Variants in SEC24A observed in about 807,000 individuals in gnomAD.
SEC24A encodes SEC24 homolog A, COPII component.
SEC24A carries 93 observed loss-of-function variants against 129.4 expected under a neutral mutation model. The ratio of observed to expected loss-of-function variants is 0.72; its 90% CI spans 0.61 to 0.85. SEC24A has a LOEUF of 0.85. Ranked by LOEUF, SEC24A falls within the 40% of genes least tolerant of loss-of-function variation. The probability of loss-of-function intolerance (pLI) is 0.00; values close to 1 mark genes in which losing one functional copy is unlikely to be tolerated. For synonymous variants in SEC24A, 460 were observed against 467.3 expected, an observed-to-expected ratio of 0.98 and a Z score of 0.20; for missense variants, 1,264 against 1,307.4, an observed-to-expected ratio of 0.97 and a Z score of 0.51.
At chr5:134,692,878 A>C in intron 12 of SEC24A, 1 of 729,662 alleles carries the variant, frequency 1.4e-6, no homozygotes, top group Non-Finnish European at 2.4e-6. Flanking sequence ...GGTAGAAAAT[A>C]AGCATATTCC....
At position 134,697,957 on chromosome 5, in the gene SEC24A, G is replaced by A; in HGVS notation, c.2166G>A (p.Gln722=). Residue 722 remains glutamine (Q), a synonymous_variant, in exon 15 of 23, where the codon CAG becomes CAA. Transcript: ENST00000398844. ...ATTACTATCCCTCTTACCATCATCA[G>A]CACAACCCAGTCCAAGTACAGAAAT... ...SVYYYPSYHH[Q]HNPVQVQKLQ... The A allele has an allele frequency of 6.2e-7, 1 of 1,613,832 alleles. No homozygotes were observed. The highest frequency in any genetic ancestry group is 8.5e-7 in the Non-Finnish European group (1 of 1,179,866).
At chr5:134,656,704 T>A (rs1411779858) in intron 1 of SEC24A, among the ~76,000 whole-genome samples, 1 of 151,854 alleles carries the variant, frequency 6.6e-6, no homozygotes, top group Non-Finnish European at 1.5e-5. Context: ...GGTCTCGAAC[T>A]TCTGACTTCA....
upstream of SEC24A, chr5:134,648,700 G>C: frequency 6.2e-6 from 1 of 160,746 alleles, no homozygotes; most frequent in East Asian, 1.7e-4. Flanking sequence ...AGAAGAGTTC[G>C]CCGGCGCGGC....
intron 10 of SEC24A, 44 bp from the exon 11 acceptor site, chr5:134,688,137 T>C (rs1163545372): frequency 9.6e-7 from 1 of 1,039,502 alleles, no homozygotes; most frequent in Non-Finnish European, 1.5e-6. Context: ...TGTATTTGTA[T>C]GTGGTTAAAA....
At chr5:134,679,542 T>G (rs1751187467) in intron 7 of SEC24A, 60 bp from the exon 8 acceptor site, 2 of 1,248,906 alleles carry the variant, frequency 1.6e-6, no homozygotes, top group African/African-American at 3.0e-5. Context: ...GATTCATGCT[T>G]ATGTTTTCAA....
In SEC24A at chr5:134,727,067, A is replaced by G. The variant is rs1465956902; in HGVS notation, c.*1973A>G. On this transcript the variant is annotated 3_prime_UTR_variant, in exon 23 of 23. Coordinates refer to ENST00000398844, the MANE Select transcript of SEC24A (RefSeq NM_021982.3). ...AGGATTCACAATATTTGTTCTCCAC[A>G]TAATGAGAGAATGAATGAGCCTTTG... 1 of 152,648 alleles carries G rather than the reference A, an allele frequency of 6.6e-6. No individual in the cohort carries two copies. The highest frequency in any genetic ancestry group is 1.5e-5 in the Non-Finnish European group (1 of 68,030). 9.5% of individuals were successfully genotyped at this position (152,648 alleles called of 1,614,324 possible).
At chr5:134,710,362 G>T (rs1028682798) in intron 18 of SEC24A, among the ~76,000 whole-genome samples, 70 of 151,940 alleles carry the variant, frequency 4.6e-4, no homozygotes, top group African/African-American at 1.5e-3. Flanking sequence ...CTCCTGAGTA[G>T]CTGCGATTAT....
intron 1 of SEC24A, among the ~76,000 whole-genome samples, chr5:134,652,183 A>G (rs926821165): frequency 1.3e-5 from 2 of 152,010 alleles, no homozygotes; most frequent in Admixed American, 6.6e-5. Context: ...CGGCCTCCCA[A>G]AGTGCTGGGA....
intron 10 of SEC24A, 79 bp from the exon 11 acceptor site, chr5:134,688,102 T>G (rs1751509843): frequency 1.2e-6 from 1 of 831,126 alleles, no homozygotes; most frequent in Non-Finnish European, 2.1e-6. Context: ...GATATTTTCA[T>G]GTAACTCTTA....
intron 18 of SEC24A, among the ~76,000 whole-genome samples, chr5:134,714,276 G>A (rs1752415098): frequency 6.6e-6 from 1 of 152,080 alleles, no homozygotes; most frequent in East Asian, 1.9e-4. Flanking sequence ...GCCACTTAGT[G>A]CAGTATTCTA....
chr5:134,680,261 A>T (rs923233395), intron 8 of SEC24A, among the ~76,000 whole-genome samples: 18 of 152,220 alleles, frequency 1.2e-4, no homozygotes, highest in Non-Finnish European at 1.6e-4. Context: ...AGTATTAGAG[A>T]AGGAAGTGGG....
intron 3 of SEC24A, among the ~76,000 whole-genome samples, chr5:134,668,396 C>T (rs1216320481): frequency 6.6e-6 from 1 of 152,086 alleles, no homozygotes; most frequent in East Asian, 1.9e-4. Flanking sequence ...TGAGACCAGC[C>T]TGACCAAGGT....
chr5:134,696,984 A>T, intron 13 of SEC24A, 142 bp from the exon 14 acceptor site: 1 of 489,904 alleles, frequency 2.0e-6, no homozygotes, highest in Non-Finnish European at 3.6e-6. Context: ...ATCAAGTAGT[A>T]CCACAAAGGA....
chr5:134,714,361 A>G (rs1752418019), intron 18 of SEC24A, among the ~76,000 whole-genome samples: 1 of 152,186 alleles, frequency 6.6e-6, no homozygotes, highest in South Asian at 2.1e-4. Flanking sequence ...GCAGGAGGTG[A>G]CCAGTGGGCG....
intron 17 of SEC24A, among the ~76,000 whole-genome samples, chr5:134,707,354 G>A (rs999561716): frequency 1.3e-4 from 19 of 151,256 alleles, no homozygotes; most frequent in Non-Finnish European, 2.5e-4. Flanking sequence ...TTTTGAGGTG[G>A]AGTCTCACTC....
At chr5:134,693,604 A>G (rs936055815) in intron 12 of SEC24A, 123 bp from the exon 13 acceptor site, 82 of 1,446,388 alleles carry the variant, frequency 5.7e-5, no homozygotes, top group Admixed American at 2.8e-4. Flanking sequence ...TTCATTGTTT[A>G]GTGTCTGTAG....
chr5:134,711,909 G>A (rs973281955), intron 18 of SEC24A, among the ~76,000 whole-genome samples: 10 of 151,502 alleles, frequency 6.6e-5, no homozygotes, highest in South Asian at 2.1e-4. Context: ...TACCACGCCC[G>A]GCTAATTTTT....
chr5:134,660,786 G>C (rs1228051128), intron 1 of SEC24A, among the ~76,000 whole-genome samples: 1 of 151,880 alleles, frequency 6.6e-6, no homozygotes, highest in African/African-American at 2.4e-5. Flanking sequence ...TGAACTCCTG[G>C]GCTCAAGCTA....
chr5:134,697,281 A>T (rs1359749622), intron 14 of SEC24A, 35 bp downstream of exon 14: 1 of 1,539,726 alleles, frequency 6.5e-7, no homozygotes, highest in Non-Finnish European at 8.9e-7. Context: ...TTTTCCGTTA[A>T]ATGAATATCA....
Sources: gnomAD v4.1 joint callset for allele counts (sites outside exome capture counted in the v4.1 genomes callset) on GRCh38, gnomAD v4.1.1 for gene constraint, MANE v1.5 for transcripts, NCBI Gene and HGNC (gene_info 2026-07-23, HGNC 2026-07-21) for gene names.